BCL2L1: variants seen among roughly 807,000 people sequenced by gnomAD.
BCL2L1 encodes the protein BCL2 like 1.
Under a neutral mutation model 18.7 loss-of-function variants are expected in BCL2L1, and 1 was observed. The ratio of observed to expected loss-of-function variants is 0.05; its 90% CI spans 0.02 to 0.25. The LOEUF (loss-of-function observed/expected upper bound fraction) is 0.25, where lower values mean the gene tolerates loss of function less well. Among genes scored for constraint, BCL2L1 ranks in the 10% least tolerant of loss-of-function variants. The pLI is 1.00. For missense variants in BCL2L1, 207 were observed against 304.9 expected (o/e 0.68, Z 2.39); for synonymous variants, 103 against 122.7 (o/e 0.84, Z 1.06).
At chr20:31,705,441 T>C (rs544900279) in intron 2 of BCL2L1, among the ~76,000 whole-genome samples, 2 of 152,302 alleles carry the variant, frequency 1.3e-5, no homozygotes, top group East Asian at 3.9e-4. Context: ...TAACAGCTGA[T>C]ATGTAATAGA....
chr20:31,703,855 T>C (rs1813051059), intron 2 of BCL2L1, among the ~76,000 whole-genome samples: 1 of 149,234 alleles, frequency 6.7e-6, no homozygotes, highest in Non-Finnish European at 1.5e-5. Flanking sequence ...TGGAGTGCAG[T>C]GGTGCGATCT....
intron 2 of BCL2L1, among the ~76,000 whole-genome samples, chr20:31,702,000 A>G (rs2122707756): frequency 6.6e-6 from 1 of 152,324 alleles, no homozygotes; most frequent in East Asian, 1.9e-4. Flanking sequence ...ACACAAACAA[A>G]AAGAAAATTC....
chr20:31,669,785 T>C (rs575345452), intron 2 of BCL2L1, among the ~76,000 whole-genome samples: 66 of 152,236 alleles, frequency 4.3e-4, no homozygotes, highest in Non-Finnish European at 1.3e-4. Context: ...CTCGTTCCTA[T>C]ACACCCAGTG....
intron 2 of BCL2L1, among the ~76,000 whole-genome samples, chr20:31,690,293 G>C (rs577623227): frequency 3.9e-4 from 59 of 152,040 alleles, no homozygotes; most frequent in African/African-American, 1.4e-3. Flanking sequence ...GTCTCACTAT[G>C]TTGTCCAGGC....
Position 31,718,062 on chromosome 20 carries a change from C to T in BCL2L1, c.564+3593G>A, listed in dbSNP as rs563464666. 5.9e-5 allele frequency among the ~76,000 whole-genome samples: 9 copies of T among 152,304 alleles called. No individual in the cohort carries two copies. The South Asian group carries it at 1.7e-3, about 28-fold the overall frequency. On this transcript the variant is annotated intron_variant, in intron 2 of 2. Transcript: ENST00000307677. ...TGCCCATTCATTAAAGGGTTTCCAC[C>T]CTACAATTATGGCAGGAGAAGGGCT...
chr20:31,707,116 C>T (rs2061378650), intron 2 of BCL2L1, among the ~76,000 whole-genome samples: 1 of 152,202 alleles, frequency 6.6e-6, no homozygotes, highest in Non-Finnish European at 1.5e-5. Flanking sequence ...GAAGATAAAA[C>T]AAAATATGCC....
rs562036364 is a variant in BCL2L1, at chr20:31,679,334, G to C, written c.565-13248C>G. Among the ~76,000 whole-genome samples the C allele has an allele frequency of 2.0e-5, 3 of 152,166 alleles. No individual in the cohort carries two copies. In the South Asian group the frequency reaches 6.2e-4, roughly 32 times the overall value. On this transcript the variant is annotated intron_variant, in intron 2 of 2. Transcript: ENST00000307677. Reference sequence around the variant, plus strand: ...TGTGGACCACCAGAAATTTCAGAGCGTCACAGAGATGTGTGGTTCGATCCT... The same window carrying C: ...TGTGGACCACCAGAAATTTCAGAGCCTCACAGAGATGTGTGGTTCGATCCT...
At chr20:31,694,952 G>C (rs1318343390) in intron 2 of BCL2L1, among the ~76,000 whole-genome samples, 6 of 152,068 alleles carry the variant, frequency 3.9e-5, no homozygotes, top group Admixed American at 3.3e-4. Flanking sequence ...CTTGAATGCA[G>C]GCAGTTCAAC....
At chr20:31,677,729 AG>A (rs1437539436) in intron 2 of BCL2L1, among the ~76,000 whole-genome samples, 1 of 152,118 alleles carries the variant, frequency 6.6e-6, no homozygotes, top group Non-Finnish European at 1.5e-5. Context: ...GTTCAGACTC[AG>A]GACCTTTGCC....
intron 2 of BCL2L1, among the ~76,000 whole-genome samples, chr20:31,669,596 C>A (rs927183054): frequency 7.9e-5 from 12 of 151,826 alleles, no homozygotes; most frequent in Non-Finnish European, 1.8e-4. Context: ...CCTGCCACCA[C>A]GCCTAGCTAA....
At chr20:31,680,851 G>T (rs991945797) in intron 2 of BCL2L1, among the ~76,000 whole-genome samples, 5 of 152,328 alleles carry the variant, frequency 3.3e-5, no homozygotes, top group South Asian at 2.1e-4. Flanking sequence ...ATGTGAGAAA[G>T]GGGGTACAGA....
At chr20:31,686,993 G>A (rs2060967844) in intron 2 of BCL2L1, among the ~76,000 whole-genome samples, 1 of 152,066 alleles carries the variant, frequency 6.6e-6, no homozygotes, top group African/African-American at 2.4e-5. Flanking sequence ...ACAATAACAT[G>A]TTTCCCAAGA....
Position 31,677,435 on chromosome 20 carries a change from C to T in BCL2L1, c.565-11349G>A, listed in dbSNP as rs914213028. ...CTGACCTCAAATGATCCACCCACCTCGGCCCCCCAAAGTGCTGAGATTACA... is the reference window on the plus strand; with the variant it reads ...CTGACCTCAAATGATCCACCCACCTTGGCCCCCCAAAGTGCTGAGATTACA... On this transcript the variant is annotated intron_variant, in intron 2 of 2. Transcript: ENST00000307677. 7.9e-5 allele frequency among the ~76,000 whole-genome samples: 12 copies of T among 152,226 alleles called. No homozygotes were observed. In the South Asian group the frequency reaches 1.2e-3, roughly 16 times the overall value.
rs778992647 is a variant in BCL2L1, at chr20:31,721,661, G to A, written c.558C>T (p.Gly186=). ...DHLEPWIQEN[G]GWDTFVELYG... ...CAAGGGGCTTGGTTCTTACCCAGCC[G>A]CCGTTCTCCTGGATCCAAGGCTCTA... The change falls in exon 2 of 3, where the codon GGC becomes GGT. Residue 186 remains glycine (G), a synonymous_variant. Transcript: ENST00000307677. 6.4e-5 allele frequency: 103 copies of A among 1,602,260 alleles called. No homozygotes were observed. Among genetic ancestry groups the A allele is most frequent in the Middle Eastern group, 1.7e-4 (1 of 6,012 alleles).
intron 2 of BCL2L1, among the ~76,000 whole-genome samples, chr20:31,689,061 A>T (rs907060969): frequency 6.6e-6 from 1 of 151,324 alleles, no homozygotes; most frequent in African/African-American, 2.4e-5. Context: ...CAGGTAAAAT[A>T]ATAGGGAAAG....
chr20:31,709,816 C>T (rs1170314641), intron 2 of BCL2L1, among the ~76,000 whole-genome samples: 10 of 130,384 alleles, frequency 7.7e-5, no homozygotes, highest in African/African-American at 2.6e-4. Context: ...GCCTGGGCAA[C>T]TGAGCAAGAG....
At position 31,666,051 on chromosome 20, in the gene BCL2L1, T is replaced by C; in HGVS notation, c.600A>G (p.Ala200=). The part of the protein sequence containing the change: ...TFVELYGNNA[A]AESRKGQERF... ...GTTCCTGGCCCTTTCGGCTCTCGGC[T>C]GCTGCATTGTTCCCATAGAGTTCCA... The change falls in exon 3 of 3, where the codon GCA becomes GCG. Residue 200 remains alanine (A), a synonymous_variant. Transcript: ENST00000307677. 6.2e-7 allele frequency: 1 copy of C among 1,614,150 alleles called. No homozygotes were observed. The highest frequency in any genetic ancestry group is 8.5e-7 in the Non-Finnish European group (1 of 1,180,030).
chr20:31,674,170 A>ATCT (rs2060719118), intron 2 of BCL2L1, among the ~76,000 whole-genome samples: 1 of 152,234 alleles, frequency 6.6e-6, no homozygotes, highest in South Asian at 2.1e-4. Flanking sequence ...AGACCCTGCT[A>ATCT]TCTCTACCCA....
intron 2 of BCL2L1, among the ~76,000 whole-genome samples, chr20:31,671,597 A>T (rs2060669126): frequency 6.6e-6 from 1 of 152,012 alleles, no homozygotes; most frequent in Non-Finnish European, 1.5e-5. Flanking sequence ...TTCTGTTTAT[A>T]CCAGGGGTAT....
Sources: gnomAD v4.1 joint callset for allele counts (sites outside exome capture counted in the v4.1 genomes callset) on GRCh38, gnomAD v4.1.1 for gene constraint, MANE v1.5 for transcripts, NCBI Gene and HGNC (gene_info 2026-07-23, HGNC 2026-07-21) for gene names.